GET1: variants seen among roughly 807,000 people sequenced by gnomAD.
GET1 encodes the protein guided entry of tail-anchored proteins factor 1, also known as congenital heart disease 5 protein.
In GET1, 20 loss-of-function variants were observed where a neutral mutation model predicts 22.6. The observed-to-expected ratio is 0.89, with a 90% CI of 0.62 to 1.29. The LOEUF (loss-of-function observed/expected upper bound fraction) is 1.29, where lower values mean the gene tolerates loss of function less well. Among genes scored for constraint, GET1 ranks in the 50% most tolerant of loss-of-function variants. GET1 has a pLI of 0.00. For synonymous variants in GET1, 92 were observed against 83.8 expected (o/e 1.10, Z -0.53); for missense variants, 209 against 219.9 (o/e 0.95, Z 0.31).
downstream of GET1, among the ~76,000 whole-genome samples, chr21:39,406,929 C>T (rs1006821979): frequency 6.6e-6 from 1 of 152,088 alleles, no homozygotes; most frequent in African/African-American, 2.4e-5. Flanking sequence ...GACATACTGC[C>T]AGTTGAAACA....
In GET1 at chr21:39,391,960, C is replaced by G. The variant is rs1356140710; in HGVS notation, c.336+124C>G. 1.3e-5 allele frequency: 11 copies of G among 861,894 alleles called. No homozygotes were observed. In the East Asian group the frequency reaches 2.8e-4, roughly 22 times the overall value. The allele number at this position is 861,894 out of a possible 1,614,324, so 53.4% of individuals were successfully genotyped here. ...CCTTCAGCTGTCGTGTCGTGTGTCCCTGCCCACATGGAGCTCTAAACACTC... is the reference window on the plus strand; with the variant it reads ...CCTTCAGCTGTCGTGTCGTGTGTCCGTGCCCACATGGAGCTCTAAACACTC... On this transcript the variant is annotated intron_variant, in intron 3 of 4. Coordinates refer to ENST00000649170, the MANE Select transcript of GET1 (RefSeq NM_004627.6).
In GET1 at chr21:39,419,817, A is replaced by G. The variant is rs116290046; in HGVS notation, c.*24-8415A>G. Among the ~76,000 whole-genome samples, 179 of 152,320 alleles carry G rather than the reference A, an allele frequency of 1.2e-3. 1 individual carries two copies. The highest frequency in any genetic ancestry group is 3.7e-3 in the African/African-American group (154 of 41,586). On this transcript the variant is annotated intron_variant, in intron 1 of 1. Coordinates refer to the GET1 transcript ENST00000478273. ...GCTTGAAACAGCGTATTTCTTAAGC[A>G]TCTTATCTAAATTGTTGGACATTTT... is the stretch of plus-strand genomic sequence containing the variant.
chr21:39,387,872 AGGGGGG>A, intron 1 of GET1: 1 of 830,032 alleles, frequency 1.2e-6, no homozygotes, highest in African/African-American at 1.9e-5. Context: ...TGGAAGGGGG[AGGGGGG>A]GGGATCTGAT....
chr21:39,414,375 G>A (rs1296143450), intron 1 of GET1: 2 of 152,022 alleles, frequency 1.3e-5, no homozygotes, highest in Non-Finnish European at 2.9e-5. Context: ...TTCTTACTTC[G>A]GCTCATACTG....
intron 1 of GET1, among the ~76,000 whole-genome samples, chr21:39,386,962 C>T (rs564585708): frequency 2.6e-5 from 4 of 152,084 alleles, no homozygotes; most frequent in African/African-American, 9.7e-5. Context: ...CCTCCCTCCC[C>T]GCCTCAGCCT....
intron 3 of GET1, among the ~76,000 whole-genome samples, chr21:39,392,303 T>A (rs1182574896): frequency 1.3e-5 from 2 of 152,184 alleles, no homozygotes; most frequent in African/African-American, 4.8e-5. Context: ...TTAACCCTCA[T>A]AGCCTCTCCT....
In GET1 at chr21:39,421,666, G is replaced by C. The variant is rs182337480; in HGVS notation, c.*24-6566G>C. Reference sequence around the variant, plus strand: ...CCACTTTTCTTTGTTTTAACATAAAGTAGGACCTCCTCCATTATAACAGCA... The same window carrying C: ...CCACTTTTCTTTGTTTTAACATAAACTAGGACCTCCTCCATTATAACAGCA... On this transcript the variant is annotated intron_variant, in intron 1 of 1. Coordinates refer to the GET1 transcript ENST00000478273. 3.1e-4 allele frequency: 47 copies of C among 152,286 alleles called. 1 individual carries two copies. The highest frequency in any genetic ancestry group is 1.1e-3 in the African/African-American group (46 of 41,564). The allele number at this position is 152,286 out of a possible 1,614,324, so 9.4% of individuals were successfully genotyped here.
intron 4 of GET1, among the ~76,000 whole-genome samples, chr21:39,394,504 G>A (rs1264886315): frequency 6.6e-6 from 1 of 152,010 alleles, no homozygotes; most frequent in Admixed American, 6.5e-5. Flanking sequence ...AGTTTGTTAG[G>A]GTTAAGTGAA....
At chr21:39,410,707 G>T (rs1029931878), downstream of GET1, 5 of 391,424 alleles carry the variant, frequency 1.3e-5, no homozygotes, top group Non-Finnish European at 2.5e-5. Flanking sequence ...CTGTGGCGGA[G>T]CTCTTGATTA....
chr21:39,398,720 T>C (rs2038763207), downstream of GET1, among the ~76,000 whole-genome samples: 1 of 151,804 alleles, frequency 6.6e-6, no homozygotes, highest in African/African-American at 2.4e-5. Flanking sequence ...TTCAAGTGAT[T>C]CTCTTACCTC....
chr21:39,383,368 GC>G (rs563945394), intron 1 of GET1, among the ~76,000 whole-genome samples: 1 of 151,438 alleles, frequency 6.6e-6, no homozygotes, highest in African/African-American at 2.4e-5. Flanking sequence ...TGCAACCTCT[GC>G]CCCCCGAGTT....
chr21:39,380,629 G>C, intron 1 of GET1, 143 bp downstream of exon 1: 2 of 1,453,580 alleles, frequency 1.4e-6, no homozygotes, highest in East Asian at 2.5e-5. Flanking sequence ...TTTTGAGATA[G>C]TTGTTAGCGT....
chr21:39,428,458 A>G, exon 2 of GET1: 2 of 1,610,108 alleles, frequency 1.2e-6, no homozygotes, highest in East Asian at 2.3e-5. Flanking sequence ...AGAAATGCTC[A>G]TCTATATTTG....
intron 3 of GET1, 131 bp from the exon 4 acceptor site, chr21:39,393,035 G>A (rs774894025): frequency 5.1e-5 from 34 of 665,576 alleles, no homozygotes; most frequent in Non-Finnish European, 8.0e-5. Flanking sequence ...TGTGGGGACT[G>A]GGTTCCTAGG....
chr21:39,393,386 T>C (rs1004016394), intron 4 of GET1, 106 bp downstream of exon 4: 6 of 904,108 alleles, frequency 6.6e-6, no homozygotes, highest in African/African-American at 1.7e-5. Flanking sequence ...GTCCATTTAG[T>C]GAGCGGGGTT....
chr21:39,422,820 T>C (rs2073990357), intron 1 of GET1: 2 of 701,248 alleles, frequency 2.9e-6, no homozygotes, highest in Non-Finnish European at 4.8e-6. Flanking sequence ...ACTCCCTTTC[T>C]GTGCCCTCTA....
intron 2 of GET1, 130 bp downstream of exon 2, chr21:39,390,993 G>A: frequency 9.7e-7 from 1 of 1,031,208 alleles, no homozygotes; most frequent in South Asian, 1.8e-5. Flanking sequence ...TAAGTTATCT[G>A]GAGGAAACTC....
intron 3 of GET1, 35 bp from the exon 4 acceptor site, chr21:39,393,131 G>A: frequency 6.4e-7 from 1 of 1,572,120 alleles, no homozygotes; most frequent in Non-Finnish European, 8.8e-7. Context: ...TGTGTGATTG[G>A]CAGGCTGCTT....
intron 1 of GET1, among the ~76,000 whole-genome samples, chr21:39,415,629 G>A (rs1298173591): frequency 2.6e-5 from 4 of 152,122 alleles, no homozygotes; most frequent in African/African-American, 9.7e-5. Context: ...CAAATATCCA[G>A]TTTGTTTAAC....
Sources: allele counts gnomAD v4.1 joint callset (sites outside exome capture counted in the v4.1 genomes callset), GRCh38; gene constraint gnomAD v4.1.1; transcripts MANE v1.5; gene names NCBI Gene and HGNC (gene_info 2026-07-23, HGNC 2026-07-21).